Variants in ARHGEF6 observed in about 807,000 individuals in gnomAD.
ARHGEF6 encodes Rac/Cdc42 guanine nucleotide exchange factor 6, also known as rho guanine nucleotide exchange factor 6.
ARHGEF6 carries 9 observed loss-of-function variants against 70.3 expected under a neutral mutation model. The observed-to-expected ratio is 0.13, with a 90% CI of 0.08 to 0.22. ARHGEF6 has a LOEUF of 0.22. Among genes scored for constraint, ARHGEF6 ranks in the 10% least tolerant of loss-of-function variants. The probability of loss-of-function intolerance (pLI) is 1.00; values close to 1 mark genes in which losing one functional copy is unlikely to be tolerated. For synonymous variants in ARHGEF6, 201 were observed against 207.8 expected (o/e 0.97, Z 0.28); for missense variants, 470 against 563.0 (o/e 0.83, Z 1.67).
rs1461701984 is a variant in ARHGEF6, at chrX:136,676,663, C to T, written c.1906G>A (p.Glu636Lys). ...TATTCCTCCTCCGATGGTTTTCTCT[C>T]AGTCTTCCTTTTATGAAGAAATTTC... ...MKKFLHKRKTERKPSEEEYVI... is the reference protein window; with the variant it reads ...MKKFLHKRKTKRKPSEEEYVI... Residue 636 changes from glutamate to lysine, a missense_variant, in exon 18 of 22, where the codon GAG becomes AAG. Physicochemically the swap from Glu to Lys is moderately conservative, Grantham distance 56 (BLOSUM62 1). Transcript: ENST00000250617. The T allele has an allele frequency of 8.3e-7, 1 of 1,207,728 alleles. No homozygotes were observed. Among genetic ancestry groups the T allele is most frequent in the African/African-American group, 1.7e-5 (1 of 57,286 alleles).
intron 18 of ARHGEF6, 146 bp from the exon 19 acceptor site, chrX:136,675,242 A>T (rs2076267979): frequency 4.1e-6 from 2 of 488,957 alleles, no homozygotes; most frequent in African/African-American, 4.8e-5. Flanking sequence ...AACGCTGGTG[A>T]TGGAGAAGAG....
rs371487272 is a variant in ARHGEF6 at position 136,669,422 on chromosome X, G to A, written c.2190+60C>T. The stretch of plus-strand genomic sequence containing the variant: ...GGCCTTCCCTGAAAGCATGAGCAGC[G>A]TGAGGCAAGAAAAAGAGAATGGTTC... On this transcript the variant is annotated intron_variant, in intron 21 of 21. Transcript: ENST00000250617. The A allele has an allele frequency of 1.4e-3, 1,463 of 1,074,531 alleles. 1 individual carries two copies. The highest frequency in any genetic ancestry group is 2.9e-3 in the Admixed American group (131 of 45,445). 88.6% of individuals were successfully genotyped at this position (1,074,531 alleles called of 1,213,427 possible). A position where few individuals can be genotyped will look rare whatever the true frequency, so the allele number is the denominator to read the frequency against.
At position 136,690,600 on chromosome X, in the gene ARHGEF6, C is replaced by T; in HGVS notation, c.1185+10G>A. 2.5e-6 allele frequency: 3 copies of T among 1,210,520 alleles called. No homozygotes were observed. The South Asian group carries it at 5.3e-5, about 21-fold the overall frequency. On this transcript the variant is annotated intron_variant, in intron 10 of 21. Coordinates refer to ENST00000250617, the MANE Select transcript of ARHGEF6 (RefSeq NM_004840.3). ...GGCACACGAGCTTGAAAAAGTTCAC[C>T]TTCCCTTACCTCCATATGCCGTTCT...
chrX:136,731,943 TAAGTAA>T (rs1270441278), intron 6 of ARHGEF6, among the ~76,000 whole-genome samples, 153 bp downstream of exon 6: 1 of 112,248 alleles, frequency 8.9e-6, no homozygotes, highest in African/African-American at 3.2e-5. Flanking sequence ...AAGAAGCATA[TAAGTAA>T]AAGAGCTCCA....
intron 9 of ARHGEF6, among the ~76,000 whole-genome samples, chrX:136,696,745 C>T (rs2076516479): frequency 9.0e-6 from 1 of 111,298 alleles, no homozygotes; most frequent in South Asian, 3.8e-4. Context: ...ACAGGGAGAA[C>T]TTACAGCATT....
chrX:136,726,334 A>T (rs900904299), intron 6 of ARHGEF6, among the ~76,000 whole-genome samples: 1 of 111,811 alleles, frequency 8.9e-6, no homozygotes, highest in African/African-American at 3.3e-5. Flanking sequence ...ACTCCACAGG[A>T]TCCTGTCACT....
At chrX:136,756,585 C>T (rs184820680) in intron 2 of ARHGEF6, among the ~76,000 whole-genome samples, 4 of 111,848 alleles carry the variant, frequency 3.6e-5, no homozygotes, top group East Asian at 5.6e-4. Context: ...CAATGGGACA[C>T]GGCAAAGCAA....
intron 19 of ARHGEF6, 55 bp downstream of exon 19, chrX:136,674,952 T>C: frequency 9.0e-7 from 1 of 1,108,034 alleles, no homozygotes; most frequent in Non-Finnish European, 1.2e-6. Flanking sequence ...TAAAAGACAC[T>C]AAACAGTAAG....
At position 136,688,006 on chromosome X, in the gene ARHGEF6, C is replaced by A; in HGVS notation, c.1186-15G>T. ...GGATGAGTATCCTATCAAAGGAATA[C>A]ATTTGAAAACAATGTTAGAGGAGAG... On this transcript the variant is annotated splice_polypyrimidine_tract_variant and intron_variant, in intron 10 of 21. Coordinates refer to ENST00000250617, the MANE Select transcript of ARHGEF6 (RefSeq NM_004840.3). The A allele has an allele frequency of 8.6e-7, 1 of 1,169,005 alleles. No individual in the cohort carries two copies. The highest frequency in any genetic ancestry group is 1.2e-6 in the Non-Finnish European group (1 of 856,736).
At chrX:136,753,235 T>C (rs1341809024) in intron 2 of ARHGEF6, among the ~76,000 whole-genome samples, 1 of 112,353 alleles carries the variant, frequency 8.9e-6, no homozygotes, top group Non-Finnish European at 1.9e-5. Context: ...TCTCAACTTT[T>C]ATTTCCTCCC....
At chrX:136,668,512 T>TTTCTTC (rs546433801) in intron 21 of ARHGEF6, among the ~76,000 whole-genome samples, 6,685 of 98,233 alleles carry the variant, frequency 0.068, 230 homozygotes, top group South Asian at 0.13. Flanking sequence ...CAGCCTGGTA[T>TTTCTTC]TTCTTCTTCT....
At chrX:136,712,371 C>T (rs989825161) in intron 7 of ARHGEF6, among the ~76,000 whole-genome samples, 60 of 112,411 alleles carry the variant, frequency 5.3e-4, no homozygotes, top group African/African-American at 1.8e-3. Flanking sequence ...CCTCAGCCTC[C>T]CAAAGTGCTG....
At chrX:136,690,237 A>G (rs2076445138) in intron 10 of ARHGEF6, among the ~76,000 whole-genome samples, 1 of 111,850 alleles carries the variant, frequency 8.9e-6, no homozygotes, top group East Asian at 2.8e-4. Flanking sequence ...ATCTCCCACA[A>G]TAAAGTTGGT....
rs1023349405 is a variant in ARHGEF6 at position 136,715,566 on chromosome X, G to A, written c.733-2196C>T. Among the ~76,000 whole-genome samples, 52 of 109,984 alleles carry A rather than the reference G, an allele frequency of 4.7e-4. 1 individual carries two copies. The Admixed American group carries it at 5.1e-3, about 11-fold the overall frequency. ...ACTCCAAAAATTGGAGAAACAGGCA[G>A]ATAAAGAGAATCACAAATTACCAGA... On this transcript the variant is annotated intron_variant, in intron 6 of 21. Coordinates refer to ENST00000250617, the MANE Select transcript of ARHGEF6 (RefSeq NM_004840.3).
chrX:136,686,625 C>CATATATAT (rs796276387), intron 11 of ARHGEF6, among the ~76,000 whole-genome samples: 42 of 54,969 alleles, frequency 7.6e-4, no homozygotes, highest in Non-Finnish European at 1.1e-3. Flanking sequence ...TATATATACA[C>CATATATAT]ATATATATAT....
At chrX:136,683,355 A>C (rs1405761295) in intron 12 of ARHGEF6, among the ~76,000 whole-genome samples, 1 of 108,411 alleles carries the variant, frequency 9.2e-6, no homozygotes, top group East Asian at 2.8e-4. Flanking sequence ...AAAAGTAGAT[A>C]CACTTTCTTT....
At chrX:136,737,287 C>G (rs758362361) in intron 5 of ARHGEF6, 1 of 110,789 alleles carries the variant, frequency 9.0e-6, no homozygotes, top group Non-Finnish European at 1.9e-5. Flanking sequence ...TGAGACCAGC[C>G]TGATCAACAT....
chrX:136,691,477 C>T (rs2076457483), intron 9 of ARHGEF6, among the ~76,000 whole-genome samples: 1 of 112,309 alleles, frequency 8.9e-6, no homozygotes, highest in African/African-American at 3.2e-5. Flanking sequence ...GTTTACTTTC[C>T]ACCAACAGGG....
At chrX:136,685,604 CAAAAAA>C in intron 12 of ARHGEF6, 67 bp downstream of exon 12, 93 of 934,158 alleles carry the variant, frequency 1.0e-4, no homozygotes, top group Admixed American at 1.8e-4. Flanking sequence ...AAGACTCCGT[CAAAAAA>C]AAAAAAAAAA....
Sources: gnomAD v4.1 joint callset for allele counts (sites outside exome capture counted in the v4.1 genomes callset) on GRCh38, gnomAD v4.1.1 for gene constraint, MANE v1.5 for transcripts, NCBI Gene and HGNC (gene_info 2026-07-23, HGNC 2026-07-21) for gene names.